Variants in TACC1 observed in about 807,000 individuals in gnomAD.
TACC1 encodes the protein transforming acidic coiled-coil containing protein 1, also known as transforming acidic coiled-coil-containing protein 1.
TACC1 carries 48 observed loss-of-function variants against 84.4 expected under a neutral mutation model. The ratio of observed to expected loss-of-function variants is 0.57; its 90% CI spans 0.45 to 0.72. TACC1 has a LOEUF of 0.72. TACC1 is among the 30% of genes least tolerant of loss of function. The pLI, the probability that TACC1 is intolerant of heterozygous loss-of-function variation, is 0.00. For synonymous variants in TACC1, 372 were observed against 376.3 expected (o/e 0.99, Z 0.13); for missense variants, 920 against 973.0 (o/e 0.95, Z 0.72).
chr8:38,846,916 T>G, intron 12 of TACC1, 97 bp downstream of exon 12: 1 of 1,429,744 alleles, frequency 7.0e-7, no homozygotes, highest in African/African-American at 1.4e-5. Flanking sequence ...AAAGAGGCCT[T>G]GGCTTTCTAC....
intron 3 of TACC1, among the ~76,000 whole-genome samples, 200 bp from the exon 4 acceptor site, chr8:38,825,108 G>A (rs983271385): frequency 3.9e-5 from 6 of 152,154 alleles, no homozygotes; most frequent in Non-Finnish European, 8.8e-5. Context: ...CCGCTTGTAG[G>A]TCTTTGCTTA....
chr8:38,753,819 A>G (rs574708095), intron 3 of TACC1, among the ~76,000 whole-genome samples: 1 of 152,278 alleles, frequency 6.6e-6, no homozygotes, highest in East Asian at 1.9e-4. Context: ...TAAATCTTTT[A>G]CATTATTTTA....
chr8:38,811,429 TCTC>T (rs1163659201), intron 2 of TACC1, among the ~76,000 whole-genome samples: 4 of 152,140 alleles, frequency 2.6e-5, no homozygotes, highest in African/African-American at 7.2e-5. Flanking sequence ...GAGCATAACT[TCTC>T]CTCCTGTTGT....
chr8:38,815,568 C>T (rs1355557975), intron 2 of TACC1, among the ~76,000 whole-genome samples: 4 of 151,874 alleles, frequency 2.6e-5, no homozygotes, highest in Non-Finnish European at 4.4e-5. Flanking sequence ...TACAGGCATG[C>T]GCCACCATGC....
At chr8:38,735,596 G>T (rs1269804738) in intron 1 of TACC1, among the ~76,000 whole-genome samples, 1 of 152,140 alleles carries the variant, frequency 6.6e-6, no homozygotes, top group East Asian at 1.9e-4. Context: ...ACTCCTGTCA[G>T]CAACCACCCC....
intron 11 of TACC1, 144 bp from the exon 12 acceptor site, chr8:38,846,555 C>T (rs1832333780): frequency 2.2e-6 from 2 of 919,198 alleles, no homozygotes; most frequent in South Asian, 2.5e-5. Flanking sequence ...TTTAGGTCAC[C>T]GATTTTTGTT....
intron 12 of TACC1, among the ~76,000 whole-genome samples, chr8:38,847,085 G>A (rs555250775): frequency 2.3e-4 from 35 of 152,146 alleles, no homozygotes; most frequent in Non-Finnish European, 4.1e-4. Context: ...TCCTAGTTGG[G>A]GTCATGAGAC....
At position 38,820,404 on chromosome 8, in the gene TACC1, G is replaced by C. The variant is rs1826484943; in HGVS notation, c.1160G>C (p.Ser387Thr). The change falls in exon 3 of 13, where the codon AGT becomes ACT. Residue 387 changes from serine (S) to threonine (T), a missense_variant. Transcript: ENST00000317827. ...LSQTSSKPDPSQWESPSFNPF... is the reference protein window; with the variant it reads ...LSQTSSKPDPTQWESPSFNPF... ...CAAACATCTTCCAAGCCAGATCCTA[G>C]TCAGTGGGAAAGCCCCAGCTTCAAC... is the stretch of plus-strand genomic sequence containing the variant. 1 of 1,614,154 alleles carries C rather than the reference G, an allele frequency of 6.2e-7. No individual in the cohort carries two copies. The highest frequency in any genetic ancestry group is 1.7e-5 in the Admixed American group (1 of 60,028).
chr8:38,791,720 G>A (rs561850591), intron 2 of TACC1, among the ~76,000 whole-genome samples: 134 of 152,258 alleles, frequency 8.8e-4, no homozygotes, highest in Admixed American at 3.8e-3. Flanking sequence ...TGGTTGGACC[G>A]CAGTTATAAA....
intron 2 of TACC1, among the ~76,000 whole-genome samples, chr8:38,794,355 T>C (rs535571229): frequency 6.6e-6 from 1 of 152,290 alleles, no homozygotes; most frequent in South Asian, 2.1e-4. Context: ...CAGGCTGGTC[T>C]CGAACTCCTG....
At chr8:38,840,341 A>G in intron 9 of TACC1, 74 bp downstream of exon 9, 5 of 1,356,630 alleles carry the variant, frequency 3.7e-6, no homozygotes, top group Non-Finnish European at 5.2e-6. Flanking sequence ...TGGTATAACA[A>G]AATATGTAAG....
chr8:38,822,033 C>T (rs1001038981), intron 3 of TACC1, among the ~76,000 whole-genome samples: 1 of 151,966 alleles, frequency 6.6e-6, no homozygotes, highest in African/African-American at 2.4e-5. Flanking sequence ...CCAGCCTGGG[C>T]AACATAGTGA....
At chr8:38,808,208 A>G (rs528124321) in intron 2 of TACC1, among the ~76,000 whole-genome samples, 20 of 152,314 alleles carry the variant, frequency 1.3e-4, no homozygotes, top group East Asian at 5.8e-4. Flanking sequence ...GTTTTTAGGG[A>G]ACACAGGATT....
intron 3 of TACC1, chr8:38,757,188 G>A: frequency 1.1e-6 from 1 of 894,636 alleles, no homozygotes; most frequent in Non-Finnish European, 1.4e-6. Context: ...TTTCCCAGCG[G>A]CGGGGACCCT....
intron 8 of TACC1, 118 bp from the exon 9 acceptor site, chr8:38,840,106 A>T: frequency 1.9e-6 from 1 of 534,506 alleles, no homozygotes; most frequent in South Asian, 2.6e-5. Flanking sequence ...AAGCAGATAA[A>T]TGGATTACAT....
At chr8:38,805,776 G>C (rs1008375255) in intron 2 of TACC1, 3 of 152,224 alleles carry the variant, frequency 2.0e-5, no homozygotes, top group African/African-American at 7.2e-5. Flanking sequence ...ATGAATTACA[G>C]AGTGCCGACA....
chr8:38,759,294 T>A (rs1281332881), intron 3 of TACC1, among the ~76,000 whole-genome samples: 1 of 152,236 alleles, frequency 6.6e-6, no homozygotes, highest in African/African-American at 2.4e-5. Flanking sequence ...TCAGTATATA[T>A]GAATAATAAG....
At chr8:38,757,512 T>C in intron 3 of TACC1, 1 of 1,081,550 alleles carries the variant, frequency 9.2e-7, no homozygotes, top group Non-Finnish European at 1.1e-6. Flanking sequence ...GAAGGTGGGG[T>C]TCCCGCTGGC....
intron 3 of TACC1, among the ~76,000 whole-genome samples, chr8:38,779,802 T>C (rs930818792): frequency 6.6e-6 from 1 of 152,214 alleles, no homozygotes; most frequent in Admixed American, 6.5e-5. Flanking sequence ...GCAGCCAAGT[T>C]AACTTGTTAA....
Sources: gnomAD v4.1 joint callset for allele counts (sites outside exome capture counted in the v4.1 genomes callset) on GRCh38, gnomAD v4.1.1 for gene constraint, MANE v1.5 for transcripts, NCBI Gene and HGNC (gene_info 2026-07-23, HGNC 2026-07-21) for gene names.